The following GALNTL6 variants were observed in gnomAD, a reference collection of about 807,000 sequenced individuals.
GALNTL6 encodes the protein polypeptide N-acetylgalactosaminyltransferase-like 6.
A neutral mutation model predicts 73.7 loss-of-function variants in GALNTL6; 46 were observed. The observed-to-expected ratio is 0.62, with a 90% confidence interval of 0.49 to 0.80. The LOEUF (loss-of-function observed/expected upper bound fraction) is 0.80. Ranked by LOEUF, GALNTL6 falls within the 30% of genes least tolerant of loss-of-function variation. GALNTL6 has a pLI of 0.00. For missense variants in GALNTL6, 604 were observed against 755.0 expected, an observed-to-expected ratio of 0.80 and a Z score of 2.34; for synonymous variants, 259 against 263.7, an observed-to-expected ratio of 0.98 and a Z score of 0.17.
At chr4:172,883,566 A>T (rs1745568027) in intron 8 of GALNTL6, among the ~76,000 whole-genome samples, 1 of 152,196 alleles carries the variant, frequency 6.6e-6, no homozygotes, top group Non-Finnish European at 1.5e-5. Flanking sequence ...CAGCAAGGGG[A>T]TGGCGCTAAG....
At chr4:172,117,206 C>A (rs1733007520) in intron 2 of GALNTL6, among the ~76,000 whole-genome samples, 1 of 152,096 alleles carries the variant, frequency 6.6e-6, no homozygotes, top group African/African-American at 2.4e-5. Flanking sequence ...ATCTTACCTG[C>A]AATAGCTATT....
intron 5 of GALNTL6, among the ~76,000 whole-genome samples, chr4:172,426,040 G>A (rs896307623): frequency 2.0e-5 from 3 of 152,034 alleles, no homozygotes; most frequent in Non-Finnish European, 4.4e-5. Context: ...AGGAGCATGA[G>A]GATTTTATAT....
chr4:171,918,503 C>A (rs1578971115), intron 2 of GALNTL6, among the ~76,000 whole-genome samples: 1 of 152,076 alleles, frequency 6.6e-6, no homozygotes, highest in Non-Finnish European at 1.5e-5. Flanking sequence ...TTACCGAGAT[C>A]TTTCTCCCGG....
chr4:172,286,863 T>C (rs927146087), intron 3 of GALNTL6, among the ~76,000 whole-genome samples: 10 of 152,162 alleles, frequency 6.6e-5, no homozygotes, highest in Non-Finnish European at 1.3e-4. Flanking sequence ...GTATGTTCAG[T>C]AAGGTTTTTT....
chr4:172,427,696 C>T (rs976588721), intron 5 of GALNTL6, among the ~76,000 whole-genome samples: 1 of 152,090 alleles, frequency 6.6e-6, no homozygotes, highest in Non-Finnish European at 1.5e-5. Flanking sequence ...AGGTTAAAGT[C>T]CCAGAATGAA....
chr4:172,074,592 T>C (rs752344696), intron 2 of GALNTL6, among the ~76,000 whole-genome samples: 1 of 151,996 alleles, frequency 6.6e-6, no homozygotes, highest in Non-Finnish European at 1.5e-5. Context: ...ATATAGCATA[T>C]GACAAAATAT....
intron 5 of GALNTL6, among the ~76,000 whole-genome samples, chr4:172,590,946 G>C (rs1401951600): frequency 6.6e-5 from 10 of 152,030 alleles, no homozygotes; most frequent in Admixed American, 5.9e-4. Flanking sequence ...TCATAAATTT[G>C]AGGAAAGGAA....
At chr4:172,366,242 T>G (rs554156663) in intron 5 of GALNTL6, among the ~76,000 whole-genome samples, 1 of 152,152 alleles carries the variant, frequency 6.6e-6, no homozygotes, top group East Asian at 1.9e-4. Context: ...AAATCTGAAT[T>G]TCAGAAAAAA....
chr4:172,121,969 T>TA (rs1400264975), intron 2 of GALNTL6, among the ~76,000 whole-genome samples: 1 of 147,130 alleles, frequency 6.8e-6, no homozygotes, highest in Non-Finnish European at 1.5e-5. Context: ...TTTTTTTTTT[T>TA]AACCACGTGG....
At chr4:172,805,117 C>G (rs944431757) in intron 5 of GALNTL6, among the ~76,000 whole-genome samples, 1 of 152,104 alleles carries the variant, frequency 6.6e-6, no homozygotes, top group African/African-American at 2.4e-5. Flanking sequence ...CATCTTATAG[C>G]TGAGGAAAAT....
intron 5 of GALNTL6, among the ~76,000 whole-genome samples, chr4:172,592,790 C>T (rs954558359): frequency 7.2e-5 from 11 of 151,964 alleles, no homozygotes; most frequent in Non-Finnish European, 1.3e-4. Flanking sequence ...TACAAAACTT[C>T]CCAAGGAGCT....
At chr4:172,941,221 G>T (rs754585378) in intron 9 of GALNTL6, among the ~76,000 whole-genome samples, 8 of 152,146 alleles carry the variant, frequency 5.3e-5, no homozygotes, top group Non-Finnish European at 1.2e-4. Flanking sequence ...AAGCTATGGG[G>T]ACAATATTAA....
chr4:172,861,319 A>ACG (rs1744381563), intron 7 of GALNTL6, among the ~76,000 whole-genome samples: 1 of 146,276 alleles, frequency 6.8e-6, no homozygotes, highest in Non-Finnish European at 1.5e-5. Flanking sequence ...TTTTGCTTAC[A>ACG]TGTGTGTGTG....
chr4:172,540,596 A>G lies in GALNTL6; in HGVS notation c.553+191907A>G, dbSNP rs1735517351. On this transcript the variant is annotated intron_variant, in intron 5 of 12. Transcript: ENST00000506823. ...GGTTGGGTTACAGTTTTGGTTTTAT[A>G]TATTTTAGGGAGACAGGATTTACAG... Among the ~76,000 whole-genome samples the G allele has an allele frequency of 4.6e-5, 7 of 152,180 alleles. No individual in the cohort carries two copies. The South Asian group carries it at 1.4e-3, about 31-fold the overall frequency.
chr4:172,264,826 A>G (rs1479268338), intron 3 of GALNTL6, among the ~76,000 whole-genome samples: 3 of 150,578 alleles, frequency 2.0e-5, no homozygotes, highest in Non-Finnish European at 4.4e-5. Context: ...TATCTACTGG[A>G]TATACTAGCT....
intron 3 of GALNTL6, among the ~76,000 whole-genome samples, chr4:172,281,281 A>G (rs1739045585): frequency 6.6e-6 from 1 of 152,208 alleles, no homozygotes; most frequent in Non-Finnish European, 1.5e-5. Context: ...AGGAAAATGT[A>G]TGTTGCTTTT....
At chr4:172,291,739 C>T (rs1739480850) in intron 3 of GALNTL6, among the ~76,000 whole-genome samples, 1 of 151,140 alleles carries the variant, frequency 6.6e-6, no homozygotes, top group South Asian at 2.1e-4. Context: ...CCTCCCCCTG[C>T]CCCAGTATTA....
intron 7 of GALNTL6, among the ~76,000 whole-genome samples, chr4:172,872,283 T>C (rs547611910): frequency 1.3e-5 from 2 of 152,320 alleles, no homozygotes; most frequent in South Asian, 4.1e-4. Context: ...ACTAATTTTT[T>C]TCCTCAGATT....
At chr4:172,269,322 TA>T (rs1738558805) in intron 3 of GALNTL6, among the ~76,000 whole-genome samples, 1 of 152,124 alleles carries the variant, frequency 6.6e-6, no homozygotes. Context: ...ATGGCATCCT[TA>T]AAGGATAAGG....
Sources: gnomAD v4.1 joint callset for allele counts (sites outside exome capture counted in the v4.1 genomes callset) on GRCh38, gnomAD v4.1.1 for gene constraint, MANE v1.5 for transcripts, NCBI Gene and HGNC (gene_info 2026-07-23, HGNC 2026-07-21) for gene names.